The following KLF12 variants were observed in gnomAD, a reference collection of about 807,000 sequenced individuals.
KLF12 encodes the protein KLF transcription factor 12.
KLF12 carries 9 observed loss-of-function variants against 37.8 expected under a neutral mutation model. The observed-to-expected ratio is 0.24, with a 90% CI of 0.14 to 0.42. The LOEUF is 0.42. KLF12 is among the 10% of genes least tolerant of loss of function. The pLI is 1.00. For synonymous variants in KLF12, 208 were observed against 202.1 expected, an observed-to-expected ratio of 1.03 and a Z score of -0.25; for missense variants, 411 against 516.0, an observed-to-expected ratio of 0.80 and a Z score of 1.97.
chr13:74,154,420 T>A, the KLF12 span, among the ~76,000 whole-genome samples: 1 of 152,172 alleles, frequency 6.6e-6, no homozygotes, highest in Non-Finnish European at 1.5e-5. Flanking sequence ...TCGATTTTTG[T>A]TTATATACAA....
At chr13:74,097,589 T>C (rs1368326811) in intron 1 of KLF12, among the ~76,000 whole-genome samples, 3 of 152,150 alleles carry the variant, frequency 2.0e-5, no homozygotes, top group Non-Finnish European at 4.4e-5. Flanking sequence ...TTCACTGTTT[T>C]ACCAAATTCA....
the KLF12 span, among the ~76,000 whole-genome samples, chr13:74,200,008 A>G: frequency 1.3e-5 from 2 of 152,148 alleles, no homozygotes; most frequent in Admixed American, 6.5e-5. Flanking sequence ...GAGGCCTTAA[A>G]GATAATTAAA....
At chr13:73,938,061 G>T (rs538429419) in intron 3 of KLF12, among the ~76,000 whole-genome samples, 2 of 152,140 alleles carry the variant, frequency 1.3e-5, no homozygotes, top group African/African-American at 4.8e-5. Flanking sequence ...AAGCAAACTC[G>T]TATTTCCAAG....
At chr13:74,135,660 T>C (rs371905444), upstream of KLF12, among the ~76,000 whole-genome samples, 1 of 151,560 alleles carries the variant, frequency 6.6e-6, no homozygotes, top group Non-Finnish European at 1.5e-5. Context: ...CCATCCTAGG[T>C]GAGCGCGGCG....
intron 3 of KLF12, among the ~76,000 whole-genome samples, chr13:73,851,368 G>A (rs921120722): frequency 3.3e-5 from 5 of 151,942 alleles, no homozygotes; most frequent in African/African-American, 1.2e-4. Flanking sequence ...TCATCTTTAG[G>A]GATCTCTTAT....
intron 3 of KLF12, among the ~76,000 whole-genome samples, chr13:73,866,314 G>A (rs1886177247): frequency 6.6e-6 from 1 of 152,132 alleles, no homozygotes; most frequent in Non-Finnish European, 1.5e-5. Context: ...TTACATGTGT[G>A]TAATTGGAGG....
chr13:74,184,662 T>C, the KLF12 span, among the ~76,000 whole-genome samples: 6 of 152,200 alleles, frequency 3.9e-5, no homozygotes, highest in African/African-American at 4.8e-5. Flanking sequence ...TATAATTATG[T>C]ATGCAAGCTC....
intron 1 of KLF12, among the ~76,000 whole-genome samples, chr13:74,077,829 T>C (rs1202310148): frequency 6.6e-6 from 1 of 152,238 alleles, no homozygotes. Context: ...CCAATTTTCC[T>C]TGTAGCATCA....
At chr13:74,048,529 A>C (rs1044049768) in intron 1 of KLF12, among the ~76,000 whole-genome samples, 34 of 152,210 alleles carry the variant, frequency 2.2e-4, no homozygotes, top group Admixed American at 2.0e-3. Flanking sequence ...ACAGAATATT[A>C]ACACCTAATT....
At chr13:74,037,625 T>C (rs1164560130) in intron 1 of KLF12, among the ~76,000 whole-genome samples, 1 of 152,208 alleles carries the variant, frequency 6.6e-6, no homozygotes, top group East Asian at 1.9e-4. Flanking sequence ...TTTTGCAACT[T>C]GATACATTTT....
At chr13:74,163,257 G>A in the KLF12 span, among the ~76,000 whole-genome samples, 1 of 152,072 alleles carries the variant, frequency 6.6e-6, no homozygotes, top group Non-Finnish European at 1.5e-5. Flanking sequence ...AAGAAAATCA[G>A]TATATCAAAG....
intron 1 of KLF12, among the ~76,000 whole-genome samples, chr13:74,038,016 C>A (rs943856929): frequency 2.6e-5 from 4 of 152,160 alleles, no homozygotes; most frequent in African/African-American, 9.7e-5. Flanking sequence ...TATCTTGATT[C>A]TGGTGGTAGC....
the KLF12 span, among the ~76,000 whole-genome samples, chr13:74,303,949 G>C: frequency 1.3e-5 from 2 of 152,040 alleles, no homozygotes; most frequent in African/African-American, 4.8e-5. Flanking sequence ...GTCTTGTGCG[G>C]CACAGTTGCA....
At chr13:74,164,531 T>A in the KLF12 span, among the ~76,000 whole-genome samples, 1 of 152,242 alleles carries the variant, frequency 6.6e-6, no homozygotes, top group African/African-American at 2.4e-5. Flanking sequence ...AAAATGTTAG[T>A]TCAAGATGTT....
chr13:73,697,010 T>C (rs1043972171), intron 7 of KLF12, among the ~76,000 whole-genome samples: 4 of 152,138 alleles, frequency 2.6e-5, no homozygotes, highest in Admixed American at 1.3e-4. Context: ...TCTGGGACTA[T>C]TCTGCCTCTA....
intron 1 of KLF12, among the ~76,000 whole-genome samples, chr13:74,090,557 T>C (rs530250970): frequency 3.1e-4 from 47 of 152,254 alleles, no homozygotes; most frequent in African/African-American, 1.1e-3. Flanking sequence ...AAATGTATAC[T>C]GGTGGGTCGC....
chr13:74,058,976 A>G (rs1198323988), intron 1 of KLF12, among the ~76,000 whole-genome samples: 1 of 152,128 alleles, frequency 6.6e-6, no homozygotes, highest in Non-Finnish European at 1.5e-5. Flanking sequence ...GGAGTCCCCC[A>G]GTGTCTATTG....
At chr13:74,034,421 A>G (rs2138502592) in intron 1 of KLF12, among the ~76,000 whole-genome samples, 1 of 152,244 alleles carries the variant, frequency 6.6e-6, no homozygotes, top group African/African-American at 2.4e-5. Context: ...CCATCTTTAT[A>G]TTGGGCAGCT....
intron 2 of KLF12, among the ~76,000 whole-genome samples, chr13:73,952,564 G>A (rs1252628203): frequency 3.9e-5 from 6 of 152,114 alleles, no homozygotes; most frequent in Non-Finnish European, 8.8e-5. Context: ...ACACAGAGCC[G>A]AGCCATATCA....
Sources: allele counts gnomAD v4.1 joint callset (sites outside exome capture counted in the v4.1 genomes callset), GRCh38; gene constraint gnomAD v4.1.1; transcripts MANE v1.5; gene names NCBI Gene and HGNC (gene_info 2026-07-23, HGNC 2026-07-21).